The following EXOSC4 variants were observed in gnomAD, a reference collection of about 807,000 sequenced individuals.
The protein encoded by EXOSC4 is exosome complex component RRP41.
A neutral mutation model predicts 20.0 loss-of-function variants in EXOSC4; 14 were observed. The observed-to-expected ratio is 0.70, with a 90% CI of 0.46 to 1.09. The LOEUF (loss-of-function observed/expected upper bound fraction) is 1.09. Ranked by LOEUF, EXOSC4 falls within the 50% of genes least tolerant of loss-of-function variation. The pLI, the probability that EXOSC4 is intolerant of heterozygous loss-of-function variation, is 0.00. For missense variants in EXOSC4, 337 were observed against 334.0 expected, an observed-to-expected ratio of 1.01 and a Z score of -0.07; for synonymous variants, 148 against 146.4, an observed-to-expected ratio of 1.01 and a Z score of -0.08.
rs1554763270 is a variant in EXOSC4, at chr8:144,080,142, A to G, written c.371A>G (p.Tyr124Cys). The G allele has an allele frequency of 6.2e-7, 1 of 1,611,378 alleles. No homozygotes were observed. Among genetic ancestry groups the G allele is most frequent in the South Asian group, 1.1e-5 (1 of 91,016 alleles). The part of the protein sequence containing the change: ...QLHPRSQIDI[Y>C]VQVLQADGGT... ...CACCCACGCTCCCAGATTGATATCTATGTGCAGGTGAGCCAGCTGCAGCCG... is the reference window on the plus strand; with the variant it reads ...CACCCACGCTCCCAGATTGATATCTGTGTGCAGGTGAGCCAGCTGCAGCCG... The change falls in exon 2 of 3, where the codon TAT becomes TGT. Residue 124 changes from tyrosine to cysteine, a missense_variant. Physicochemically the swap from Tyr to Cys is radical, Grantham distance 194. Coordinates refer to ENST00000316052, the MANE Select transcript of EXOSC4 (RefSeq NM_019037.3). The surrounding 1 kb of genome is among the most constrained non-coding windows in gnomAD (Gnocchi z 4.9).
upstream of EXOSC4, among the ~76,000 whole-genome samples, chr8:144,075,470 C>CCT (rs1835828567): frequency 1.3e-5 from 2 of 152,200 alleles, no homozygotes; most frequent in African/African-American, 4.8e-5. Context: ...TCGTGATCTG[C>CCT]CCGCCTCGGC....
Position 144,080,550 on chromosome 8 carries a change from T to C in EXOSC4, c.687T>C (p.Asp229=), listed in dbSNP as rs1554763368. 1 of 1,601,022 alleles carries C rather than the reference T, an allele frequency of 6.2e-7. No individual in the cohort carries two copies. Among genetic ancestry groups the C allele is most frequent in the Non-Finnish European group, 8.5e-7 (1 of 1,179,936 alleles). Residue 229 remains aspartate (D), a synonymous_variant, in exon 3 of 3, where the codon GAT becomes GAC. Coordinates refer to ENST00000316052, the MANE Select transcript of EXOSC4 (RefSeq NM_019037.3). The surrounding 1 kb of genome is among the most constrained non-coding windows in gnomAD (Gnocchi z 4.9). ...QAARDVHTLL[D]RVVRQHVREA... is the part of the protein sequence containing the mutation. The stretch of plus-strand genomic sequence containing the variant: ...CCCGAGATGTGCACACCCTCTTAGA[T>C]CGAGTGGTCCGGCAGCATGTGCGTG...
the EXOSC4 span, among the ~76,000 whole-genome samples, chr8:144,069,182 C>A: frequency 6.6e-6 from 1 of 152,242 alleles, no homozygotes; most frequent in African/African-American, 2.4e-5. Context: ...GCATCCACCC[C>A]TGGGAGTCCA....
chr8:144,078,623 C>G, upstream of EXOSC4: 1 of 1,235,446 alleles, frequency 8.1e-7, no homozygotes, highest in Non-Finnish European at 1.1e-6. This position sits in a 1 kb window ranked among gnomAD's most constrained non-coding sequence, Gnocchi z 4.7. Flanking sequence ...GAAGTGATGG[C>G]GGACCTCCGG....
At chr8:144,072,470 C>G in the EXOSC4 span, among the ~76,000 whole-genome samples, 2 of 152,128 alleles carry the variant, frequency 1.3e-5, no homozygotes, top group Non-Finnish European at 2.9e-5. Flanking sequence ...TGTGAGCCAC[C>G]GCGCCCGACC....
chr8:144,067,504 A>G, the EXOSC4 span, among the ~76,000 whole-genome samples: 1 of 152,244 alleles, frequency 6.6e-6, no homozygotes, highest in Non-Finnish European at 1.5e-5. Flanking sequence ...GCAAAGACAA[A>G]GAGAAAGCTT....
the EXOSC4 span, among the ~76,000 whole-genome samples, chr8:144,068,126 A>G: frequency 6.6e-6 from 1 of 152,164 alleles, no homozygotes. Context: ...TTTTTTGAAC[A>G]TGAGTCCCAT....
upstream of EXOSC4, among the ~76,000 whole-genome samples, chr8:144,077,183 T>C (rs771072677): frequency 1.8e-4 from 27 of 150,990 alleles, 1 homozygote; most frequent in Non-Finnish European, 2.8e-4. Context: ...AGGTGGAGGG[T>C]GCAGTGCGCT....
upstream of EXOSC4, chr8:144,078,567 A>T (rs1554762983): frequency 4.3e-6 from 3 of 703,730 alleles, no homozygotes; most frequent in African/African-American, 5.6e-5. The surrounding 1 kb of genome is among the most constrained non-coding windows in gnomAD (Gnocchi z 4.7). Flanking sequence ...GAAACCGCAG[A>T]TCCACGGAGG....
upstream of EXOSC4, among the ~76,000 whole-genome samples, chr8:144,073,658 C>T (rs537762314): frequency 2.0e-5 from 3 of 152,028 alleles, no homozygotes; most frequent in East Asian, 1.9e-4. Flanking sequence ...TGAGGCCAGA[C>T]TGGCCAACAT....
upstream of EXOSC4, among the ~76,000 whole-genome samples, chr8:144,076,518 G>A (rs1277660917): frequency 6.6e-6 from 1 of 152,206 alleles, no homozygotes; most frequent in Admixed American, 6.5e-5. Flanking sequence ...AACCAAAGGT[G>A]TGAGGTAGGA....
In EXOSC4 at chr8:144,080,147, C is replaced by G. The variant is rs782635100; in HGVS notation, c.376C>G (p.Gln126Glu). The G allele has an allele frequency of 6.2e-7, 1 of 1,609,648 alleles. No homozygotes were observed. Among genetic ancestry groups the G allele is most frequent in the Admixed American group, 1.7e-5 (1 of 59,912 alleles). The stretch of plus-strand genomic sequence containing the variant: ...ACGCTCCCAGATTGATATCTATGTG[C>G]AGGTGAGCCAGCTGCAGCCGTCAAT... Reference protein sequence around the residue: ...HPRSQIDIYVQVLQADGGTYA... With the variant: ...HPRSQIDIYVEVLQADGGTYA... Residue 126 changes from glutamine (Q) to glutamate (E), a missense_variant and splice_region_variant, in exon 2 of 3, where the codon CAG (glutamine) becomes GAG (glutamate). Gln to Glu is a conservative substitution (Grantham distance 29). Transcript: ENST00000316052. This position sits in a 1 kb window ranked among gnomAD's most constrained non-coding sequence, Gnocchi z 4.9.
chr8:144,075,476 T>C (rs377477849), upstream of EXOSC4, among the ~76,000 whole-genome samples: 36 of 152,204 alleles, frequency 2.4e-4, no homozygotes, highest in African/African-American at 8.7e-4. Flanking sequence ...TCTGCCCGCC[T>C]CGGCCTCCCA....
rs574414438 is a variant in EXOSC4 at position 144,078,681 on chromosome 8, C to T, written c.-48C>T. The stretch of plus-strand genomic sequence containing the variant: ...GGAGCCGCCGGGAGCTGTAGTTCTC[C>T]CGCGGCTCAGAGAAGTAGGCAGAGA... On this transcript the variant is annotated 5_prime_UTR_variant, in exon 1 of 3. Transcript: ENST00000316052. The surrounding 1 kb of genome is among the most constrained non-coding windows in gnomAD (Gnocchi z 4.7). 406 of 1,350,646 alleles carry T rather than the reference C, an allele frequency of 3.0e-4. 2 individuals are homozygous for T. The highest frequency in any genetic ancestry group is 1.1e-3 in the African/African-American group (70 of 65,292). The allele number at this position is 1,350,646 out of a possible 1,614,324, so 83.7% of individuals were successfully genotyped here. A position where few individuals can be genotyped will look rare whatever the true frequency, so the allele number is the denominator to read the frequency against.
the EXOSC4 span, among the ~76,000 whole-genome samples, chr8:144,068,437 G>A: frequency 3.3e-5 from 5 of 152,270 alleles, no homozygotes; most frequent in East Asian, 9.7e-4. Context: ...CACTTTAGAC[G>A]AACACGCTGC....
At chr8:144,074,958 A>AT (rs1191276037), upstream of EXOSC4, among the ~76,000 whole-genome samples, 12 of 152,244 alleles carry the variant, frequency 7.9e-5, no homozygotes, top group African/African-American at 2.9e-4. Flanking sequence ...AAATGTACAT[A>AT]TTACCCAAAG....
In EXOSC4 at chr8:144,080,481, C is replaced by A; in HGVS notation, c.618C>A (p.His206Gln). The A allele has an allele frequency of 6.2e-7, 1 of 1,607,674 alleles. No individual in the cohort carries two copies. The highest frequency in any genetic ancestry group is 1.1e-5 in the South Asian group (1 of 91,084). Residue 206 changes from histidine (H) to glutamine (Q), a missense_variant, in exon 3 of 3, where the codon CAC becomes CAA. His to Gln is a conservative substitution (Grantham distance 24). Transcript: ENST00000316052. This position sits in a 1 kb window ranked among gnomAD's most constrained non-coding sequence, Gnocchi z 4.9. The part of the protein sequence containing the change: ...IALLEMDARL[H>Q]EDHLERVLEA... Reference sequence around the variant, plus strand: ...TGCTTGAGATGGATGCCCGGCTGCACGAGGACCACCTGGAGCGGGTGTTGG... The same window carrying A: ...TGCTTGAGATGGATGCCCGGCTGCAAGAGGACCACCTGGAGCGGGTGTTGG...
intron 1 of EXOSC4, chr8:144,079,635 A>G (rs1041658238): frequency 3.4e-5 from 17 of 507,082 alleles, no homozygotes; most frequent in African/African-American, 9.6e-5. Flanking sequence ...ATCTTATTTC[A>G]TATGTAATGT....
At chr8:144,065,711 G>A in the EXOSC4 span, among the ~76,000 whole-genome samples, 1 of 151,954 alleles carries the variant, frequency 6.6e-6, no homozygotes, top group African/African-American at 2.4e-5. Context: ...CTCCAGCCTG[G>A]GCAACAGAAT....
Sources: allele counts gnomAD v4.1 joint callset (sites outside exome capture counted in the v4.1 genomes callset), GRCh38; gene constraint gnomAD v4.1.1; non-coding constraint Gnocchi (gnomAD v3.1); transcripts MANE v1.5; gene names NCBI Gene and HGNC (gene_info 2026-07-23, HGNC 2026-07-21).